RACGAP1: variants seen among roughly 807,000 people sequenced by gnomAD.
RACGAP1 encodes Rac GTPase activating protein 1, also known as rac GTPase-activating protein 1.
In RACGAP1, 30 loss-of-function variants were observed where a neutral mutation model predicts 78.1. The ratio of observed to expected loss-of-function variants is 0.38; its 90% confidence interval spans 0.29 to 0.52. RACGAP1 has a LOEUF of 0.52. Among genes scored for constraint, RACGAP1 ranks in the 20% least tolerant of loss-of-function variants. RACGAP1 has a pLI of 0.82. For missense variants in RACGAP1, 587 were observed against 777.1 expected (o/e 0.76, Z 2.91); for synonymous variants, 231 against 264.8 (o/e 0.87, Z 1.24).
chr12:50,006,411 C>A (rs2137448558), intron 3 of RACGAP1, 23 bp downstream of exon 3: 6 of 1,613,402 alleles, frequency 3.7e-6, no homozygotes, highest in Middle Eastern at 1.7e-4. Flanking sequence ...CATCACTGTT[C>A]TAGCACGGAA....
intron 2 of RACGAP1, among the ~76,000 whole-genome samples, chr12:50,030,931 C>G (rs1039251722): frequency 1.8e-4 from 27 of 151,194 alleles, no homozygotes; most frequent in Admixed American, 1.6e-3. Context: ...AGGCGCCCAC[C>G]ACCATGCCTG....
intron 2 of RACGAP1, among the ~76,000 whole-genome samples, chr12:50,011,954 A>C (rs1183223110): frequency 2.0e-5 from 2 of 98,878 alleles, no homozygotes; most frequent in East Asian, 5.4e-4. Flanking sequence ...ACTCCGTCTC[A>C]AAAAAAAAAA....
intron 2 of RACGAP1, among the ~76,000 whole-genome samples, chr12:50,009,767 T>C (rs1949198996): frequency 6.6e-6 from 1 of 152,240 alleles, no homozygotes; most frequent in African/African-American, 2.4e-5. Flanking sequence ...AGTCTGTCCC[T>C]GCCCCCAGAA....
intron 2 of RACGAP1, among the ~76,000 whole-genome samples, chr12:50,009,242 C>CAA (rs397751749): frequency 0.041 from 2,690 of 64,852 alleles, 124 homozygotes; most frequent in African/African-American, 0.13. Flanking sequence ...GATGCTGTCT[C>CAA]AAAAAAAAAA....
intron 2 of RACGAP1, among the ~76,000 whole-genome samples, chr12:50,010,840 G>A (rs558151855): frequency 6.6e-6 from 1 of 151,934 alleles, no homozygotes; most frequent in Admixed American, 6.6e-5. Flanking sequence ...GCTGAGACAG[G>A]AGAATCACTT....
At chr12:49,997,762 G>C (rs1948403324) in intron 9 of RACGAP1, among the ~76,000 whole-genome samples, 2 of 151,720 alleles carry the variant, frequency 1.3e-5, no homozygotes. Context: ...ATTGTTAGTA[G>C]AGACGGGGTT....
intron 15 of RACGAP1, among the ~76,000 whole-genome samples, chr12:49,991,477 ATATTTTTTTT>A (rs1253378334): frequency 0.023 from 858 of 36,780 alleles, 3 homozygotes; most frequent in Non-Finnish European, 0.04. Flanking sequence ...ATATATATAT[ATATTTTTTTT>A]TTTTTTTTTT....
intron 1 of RACGAP1, chr12:50,018,390 T>C: frequency 1.9e-6 from 1 of 530,096 alleles, no homozygotes; most frequent in Non-Finnish European, 3.1e-6. Flanking sequence ...GACCAACAAA[T>C]TTATTACAAA....
chr12:49,999,932 A>C (rs1592153365), intron 7 of RACGAP1, among the ~76,000 whole-genome samples, 199 bp from the exon 8 acceptor site: 1 of 151,346 alleles, frequency 6.6e-6, no homozygotes, highest in East Asian at 1.9e-4. Context: ...GCTCACTGCA[A>C]CCTCCGCCTC....
rs1353989252 is a variant in RACGAP1 at position 49,990,259 on chromosome 12, G to A, written c.*9C>T. ...AGTCAATGCTGGGAAGTAACAGGCA[G>A]ATGTGACTTCACTTGAGCATTGGAG... On this transcript the variant is annotated 3_prime_UTR_variant, in exon 17 of 17. Coordinates refer to ENST00000312377, the MANE Select transcript of RACGAP1 (RefSeq NM_001319999.2). 4 of 1,607,770 alleles carry A rather than the reference G, an allele frequency of 2.5e-6. No individual in the cohort carries two copies. In the Admixed American group the frequency reaches 6.7e-5, roughly 27 times the overall value.
intron 3 of RACGAP1, 138 bp from the exon 4 acceptor site, chr12:50,005,530 T>C (rs1948923040): frequency 1.1e-6 from 1 of 902,882 alleles, no homozygotes; most frequent in Non-Finnish European, 1.6e-6. Flanking sequence ...GCTACACCAA[T>C]AGCATATTAA....
intron 4 of RACGAP1, among the ~76,000 whole-genome samples, chr12:50,004,883 G>C (rs1948882402): frequency 6.6e-6 from 1 of 152,198 alleles, no homozygotes; most frequent in African/African-American, 2.4e-5. Flanking sequence ...TTGGCTCACA[G>C]AGGCCTTTCT....
chr12:50,022,825 C>A (rs867463175), intron 1 of RACGAP1, among the ~76,000 whole-genome samples: 73 of 152,108 alleles, frequency 4.8e-4, no homozygotes, highest in African/African-American at 1.7e-3. Flanking sequence ...AGGTCATTTC[C>A]AGTTTTTCAC....
chr12:49,991,487 T>A (rs1273150974), intron 15 of RACGAP1, among the ~76,000 whole-genome samples: 119 of 22,822 alleles, frequency 5.2e-3, no homozygotes, highest in East Asian at 0.012. Context: ...ATATTTTTTT[T>A]TTTTTTTTTT....
intron 2 of RACGAP1, among the ~76,000 whole-genome samples, chr12:50,015,513 T>A (rs535156110): frequency 1.3e-5 from 2 of 152,122 alleles, no homozygotes; most frequent in African/African-American, 2.4e-5. Context: ...CTACAAAAAA[T>A]TTTTAAGGCC....
chr12:50,015,694 C>G (rs1006494294), intron 2 of RACGAP1, among the ~76,000 whole-genome samples: 1 of 151,506 alleles, frequency 6.6e-6, no homozygotes, highest in African/African-American at 2.4e-5. Context: ...CCCAGCTACT[C>G]AGGAGGCTGA....
At chr12:50,003,273 C>A (rs1948794831) in intron 5 of RACGAP1, among the ~76,000 whole-genome samples, 1 of 152,018 alleles carries the variant, frequency 6.6e-6, no homozygotes. Context: ...AGTCATGGTC[C>A]AGTAATTTAG....
At chr12:49,996,628 T>TGAAAAAAAAA (rs1948286731) in intron 10 of RACGAP1, among the ~76,000 whole-genome samples, 2 of 18,990 alleles carry the variant, frequency 1.1e-4, no homozygotes, top group African/African-American at 4.5e-4. Context: ...GCAATAGAGC[T>TGAAAAAAAAA]AAAAAAAAAA....
intron 2 of RACGAP1, among the ~76,000 whole-genome samples, chr12:50,013,020 G>A (rs540373697): frequency 8.8e-5 from 13 of 148,246 alleles, no homozygotes; most frequent in South Asian, 8.7e-4. Flanking sequence ...CTGAGATTGC[G>A]CCATCGCACT....
Sources: allele counts gnomAD v4.1 joint callset (sites outside exome capture counted in the v4.1 genomes callset), GRCh38; gene constraint gnomAD v4.1.1; transcripts MANE v1.5; gene names NCBI Gene and HGNC (gene_info 2026-07-23, HGNC 2026-07-21).